OTOGL: variants seen among roughly 807,000 people sequenced by gnomAD.
The protein encoded by OTOGL is otogelin like, also known as otogelin-like protein.
Under a neutral mutation model 318.5 loss-of-function variants are expected in OTOGL, and 285 were observed. The observed-to-expected ratio is 0.89, with a 90% CI of 0.81 to 0.99. The LOEUF (loss-of-function observed/expected upper bound fraction) is 0.99. Among genes scored for constraint, OTOGL ranks in the 50% least tolerant of loss-of-function variants. The probability of loss-of-function intolerance (pLI) is 0.00; values close to 1 mark genes in which losing one functional copy is unlikely to be tolerated. For missense variants in OTOGL, 2,899 were observed against 2,845.6 expected, an observed-to-expected ratio of 1.02 and a Z score of -0.43; for synonymous variants, 987 against 936.5, an observed-to-expected ratio of 1.05 and a Z score of -0.99.
At chr12:80,216,150 T>TA (rs1273977153) in intron 4 of OTOGL, among the ~76,000 whole-genome samples, 6 of 151,798 alleles carry the variant, frequency 4.0e-5, no homozygotes, top group Non-Finnish European at 5.9e-5. Flanking sequence ...CCCCATCTCT[T>TA]AAAAAAAATG....
intron 27 of OTOGL, among the ~76,000 whole-genome samples, chr12:80,299,089 T>C (rs567838395): frequency 1.3e-5 from 2 of 152,280 alleles, no homozygotes; most frequent in African/African-American, 2.4e-5. Flanking sequence ...GAAAACAAAA[T>C]TGACATTTTC....
intron 1 of OTOGL, among the ~76,000 whole-genome samples, chr12:80,108,537 A>G (rs1009423720): frequency 6.6e-6 from 1 of 151,388 alleles, no homozygotes; most frequent in Non-Finnish European, 1.5e-5. Flanking sequence ...TTTGCAATTT[A>G]TGGCAATCTA....
At chr12:80,244,923 A>G (rs1354356459) in intron 11 of OTOGL, among the ~76,000 whole-genome samples, 1 of 147,828 alleles carries the variant, frequency 6.8e-6, no homozygotes, top group East Asian at 1.9e-4. Flanking sequence ...GCCAGTGATG[A>G]TGAGCATTTT....
intron 42 of OTOGL, among the ~76,000 whole-genome samples, chr12:80,337,551 T>TA (rs2137919970): frequency 6.6e-6 from 1 of 152,154 alleles, no homozygotes; most frequent in African/African-American, 2.4e-5. Flanking sequence ...CAATGCATTA[T>TA]AAAAAATGAA....
At chr12:80,314,744 A>G (rs1886865805) in intron 32 of OTOGL, among the ~76,000 whole-genome samples, 2 of 152,168 alleles carry the variant, frequency 1.3e-5, no homozygotes, top group Admixed American at 6.5e-5. Flanking sequence ...ATATAATTGT[A>G]TATATTTATG....
intron 11 of OTOGL, among the ~76,000 whole-genome samples, chr12:80,249,050 C>G (rs1164275692): frequency 6.8e-6 from 1 of 146,058 alleles, no homozygotes; most frequent in East Asian, 2.0e-4. Context: ...ATTGGTTATT[C>G]TAGTTATACA....
At chr12:80,156,553 AC>A (rs1321632045) in intron 1 of OTOGL, among the ~76,000 whole-genome samples, 2 of 152,114 alleles carry the variant, frequency 1.3e-5, no homozygotes, top group African/African-American at 4.8e-5. Flanking sequence ...TGTGGAAGGG[AC>A]CCGGTGGGAG....
intron 1 of OTOGL, among the ~76,000 whole-genome samples, chr12:80,130,555 A>G (rs1871175079): frequency 6.6e-6 from 1 of 152,210 alleles, no homozygotes; most frequent in South Asian, 2.1e-4. Flanking sequence ...AATGGAAGTC[A>G]GGGGACTAGG....
chr12:80,289,504 C>T (rs1353300928), intron 26 of OTOGL, among the ~76,000 whole-genome samples: 2 of 152,202 alleles, frequency 1.3e-5, no homozygotes, highest in Non-Finnish European at 2.9e-5. Context: ...ACAGCTGACC[C>T]TTCCCGCAGG....
rs561304072 is a variant in OTOGL, at chr12:80,218,140, G to A, written c.235+476G>A. 2.0e-5 allele frequency among the ~76,000 whole-genome samples: 3 copies of A among 152,216 alleles called. 1 individual carries two copies. The South Asian group carries it at 6.2e-4, about 32-fold the overall frequency. The stretch of plus-strand genomic sequence containing the variant: ...CAGGACTGTAAATACATTTTTAAAG[G>A]CAATACATTTGTTTATCTAAATATT... On this transcript the variant is annotated intron_variant, in intron 5 of 58. Transcript: ENST00000547103.
Position 80,356,517 on chromosome 12 carries a change from T to C in OTOGL, c.5908T>C (p.Cys1970Arg). The change falls in exon 48 of 59, where the codon TGT (cysteine) becomes CGT (arginine). Residue 1970 changes from cysteine to arginine, a missense_variant. This residue lies in a region of OTOGL where 2,607 missense variants were observed against 2,524.9 expected (regional missense o/e 1.03). Coordinates refer to ENST00000547103, the MANE Select transcript of OTOGL (RefSeq NM_001378609.3). ...TCTTTCTTGCTGTCCACAGTACAAA[T>C]GTGGTAAGTAATCAATATAGAAAAT... ...SPLSCCPQYK[C>R]ECDPLKCPSI... The C allele has an allele frequency of 6.3e-7, 1 of 1,589,116 alleles. No individual in the cohort carries two copies. The highest frequency in any genetic ancestry group is 8.6e-7 in the Non-Finnish European group (1 of 1,163,354).
At chr12:80,185,111 C>T (rs1221838889) in intron 1 of OTOGL, among the ~76,000 whole-genome samples, 1 of 152,130 alleles carries the variant, frequency 6.6e-6, no homozygotes, top group African/African-American at 2.4e-5. Context: ...GCTCTGTTAA[C>T]ACATGTAAAT....
intron 26 of OTOGL, among the ~76,000 whole-genome samples, chr12:80,281,758 T>A (rs1337906497): frequency 6.6e-6 from 1 of 151,868 alleles, no homozygotes; most frequent in Non-Finnish European, 1.5e-5. Context: ...TCTGTGCCTC[T>A]GTTTCCTCAT....
At chr12:80,345,106 TA>T (rs55687613) in intron 44 of OTOGL, among the ~76,000 whole-genome samples, 1,266 of 6,380 alleles carry the variant, frequency 0.2, 12 homozygotes, top group Non-Finnish European at 0.28. Context: ...TTATATATTA[TA>T]ATATATATTA....
intron 56 of OTOGL, among the ~76,000 whole-genome samples, chr12:80,371,402 C>A (rs747496620): frequency 2.6e-5 from 4 of 151,840 alleles, no homozygotes; most frequent in African/African-American, 9.7e-5. Flanking sequence ...AGATATAACA[C>A]GTACTAAAGT....
intron 29 of OTOGL, among the ~76,000 whole-genome samples, chr12:80,310,329 T>A (rs2137787157): frequency 6.6e-6 from 1 of 152,334 alleles, no homozygotes; most frequent in Middle Eastern, 3.4e-3. Context: ...GCTCATGTAA[T>A]TTTTTAAGTC....
intron 52 of OTOGL, among the ~76,000 whole-genome samples, chr12:80,365,740 G>A (rs1365887021): frequency 6.6e-6 from 1 of 152,056 alleles, no homozygotes; most frequent in Non-Finnish European, 1.5e-5. Flanking sequence ...ACTATAAAAA[G>A]CAAGACATTA....
At chr12:80,189,434 G>A (rs1047321576) in intron 1 of OTOGL, 1 of 985,322 alleles carries the variant, frequency 1.0e-6, no homozygotes, top group Non-Finnish European at 1.2e-6. Context: ...TGGGAAGTTT[G>A]TCAAGTCTCA....
chr12:80,257,798 T>A, intron 17 of OTOGL, 27 bp from the exon 18 acceptor site: 2 of 1,517,586 alleles, frequency 1.3e-6, no homozygotes, highest in Non-Finnish European at 1.8e-6. Flanking sequence ...ATGTCAAAGC[T>A]GATTTACGTA....
Sources: gnomAD v4.1 joint callset for allele counts (sites outside exome capture counted in the v4.1 genomes callset) on GRCh38, gnomAD v4.1.1 for gene constraint, gnomAD v4.1.1 regional missense constraint, MANE v1.5 for transcripts, NCBI Gene and HGNC (gene_info 2026-07-23, HGNC 2026-07-21) for gene names.